COL13A1: variants seen among roughly 807,000 people sequenced by gnomAD.
COL13A1 encodes the protein collagen type XIII alpha 1 chain.
In COL13A1, 89 loss-of-function variants were observed where a neutral mutation model predicts 130.9. The observed-to-expected ratio is 0.68, with a 90% CI of 0.57 to 0.81. The LOEUF (loss-of-function observed/expected upper bound fraction) is 0.81, where lower values mean the gene tolerates loss of function less well. Ranked by LOEUF, COL13A1 falls within the 30% of genes least tolerant of loss-of-function variation. COL13A1 has a pLI of 0.00. For missense variants in COL13A1, 879 were observed against 934.6 expected, an observed-to-expected ratio of 0.94 and a Z score of 0.78; for synonymous variants, 402 against 341.6, an observed-to-expected ratio of 1.18 and a Z score of -1.95.
At chr10:69,837,612 A>T (rs1228188283) in intron 2 of COL13A1, among the ~76,000 whole-genome samples, 1 of 152,064 alleles carries the variant, frequency 6.6e-6, no homozygotes, top group East Asian at 1.9e-4. Context: ...TTCTGCGCTT[A>T]CCCTGGTACA....
chr10:69,927,121 C>G lies in COL13A1; in HGVS notation c.1422+11C>G. 2 of 1,612,426 alleles carry G rather than the reference C, an allele frequency of 1.2e-6. No individual in the cohort carries two copies. The highest frequency in any genetic ancestry group is 1.7e-6 in the Non-Finnish European group (2 of 1,179,586). ...ACGCTGGCCTTGATGGTAAGTTTTG[C>G]TCCTCCTGGCTTTCCTTGGGCACTG... On this transcript the variant is annotated intron_variant, in intron 27 of 40. Coordinates refer to ENST00000645393, the MANE Select transcript of COL13A1 (RefSeq NM_001368882.1).
chr10:69,925,935 G>T lies in COL13A1; in HGVS notation c.1398+63G>T, dbSNP rs867775316. ...GATCTCAGGCTCTGCACCATGCCCT[G>T]ATCAGGGGGCCCTTCCACACAGCCG... On this transcript the variant is annotated intron_variant, in intron 26 of 40. Transcript: ENST00000645393. 5.8e-6 allele frequency: 8 copies of T among 1,389,288 alleles called. No individual in the cohort carries two copies. The East Asian group carries it at 2.0e-4, about 35-fold the overall frequency. The allele number at this position is 1,389,288 out of a possible 1,614,324, so 86.1% of individuals were successfully genotyped here.
intron 7 of COL13A1, among the ~76,000 whole-genome samples, 193 bp downstream of exon 7, chr10:69,880,746 A>G (rs2060052631): frequency 6.6e-6 from 1 of 152,186 alleles, no homozygotes. Context: ...CTGGCTAAAT[A>G]TACCTAAATT....
chr10:69,880,126 C>T (rs930071946), intron 6 of COL13A1, among the ~76,000 whole-genome samples: 3 of 152,060 alleles, frequency 2.0e-5, no homozygotes, highest in African/African-American at 7.2e-5. Context: ...CTGTGTCTCC[C>T]TGTTTCCCGC....
intron 6 of COL13A1, 25 bp downstream of exon 6, chr10:69,878,090 C>T (rs1463343943): frequency 1.4e-6 from 1 of 703,000 alleles, no homozygotes; most frequent in Non-Finnish European, 2.6e-6. Context: ...TCCCCTTCTG[C>T]CCTGCACCCA....
intron 2 of COL13A1, among the ~76,000 whole-genome samples, chr10:69,852,309 A>T (rs561823192): frequency 3.9e-5 from 6 of 152,160 alleles, no homozygotes; most frequent in Non-Finnish European, 8.8e-5. Context: ...GCGGCTAGAG[A>T]TAATAATAAT....
Position 69,872,224 on chromosome 10 carries a change from G to A in COL13A1, c.399+14G>A. ...CCCGGACTCCCAGTAAGTCACTTTT[G>A]TTTCTTCTTTCCTTTGCATCTCTTT... On this transcript the variant is annotated intron_variant, in intron 4 of 40. Coordinates refer to ENST00000645393, the MANE Select transcript of COL13A1 (RefSeq NM_001368882.1). 1 of 1,613,964 alleles carries A rather than the reference G, an allele frequency of 6.2e-7. No homozygotes were observed. The highest frequency in any genetic ancestry group is 8.5e-7 in the Non-Finnish European group (1 of 1,179,874).
chr10:69,831,707 G>A (rs780477009), intron 2 of COL13A1, among the ~76,000 whole-genome samples: 3 of 152,198 alleles, frequency 2.0e-5, no homozygotes, highest in Non-Finnish European at 4.4e-5. Flanking sequence ...TCCTGGGCAC[G>A]AGCTGTGCTG....
chr10:69,958,610 G>A lies in COL13A1; in HGVS notation c.2185-89G>A, dbSNP rs1307260535. 19 of 1,604,898 alleles carry A rather than the reference G, an allele frequency of 1.2e-5. No homozygotes were observed. The East Asian group carries it at 3.8e-4, about 32-fold the overall frequency. ...TGTCCAGAACTCCCATCCAACCCAG[G>A]ACAAGATTTACCTCCCTTCCTACAA... On this transcript the variant is annotated intron_variant, in intron 40 of 40. Coordinates refer to ENST00000645393, the MANE Select transcript of COL13A1 (RefSeq NM_001368882.1).
Position 69,919,304 on chromosome 10 carries a change from G to A in COL13A1, c.1026+216G>A, listed in dbSNP as rs567955952. The stretch of plus-strand genomic sequence containing the variant: ...AGGCATGCCAGCTGCAGCAGGCAGT[G>A]ACTATTGTCCCCTGCACCCACAGGG... On this transcript the variant is annotated intron_variant, in intron 20 of 40. Coordinates refer to ENST00000645393, the MANE Select transcript of COL13A1 (RefSeq NM_001368882.1). Among the ~76,000 whole-genome samples, 10 of 152,290 alleles carry A rather than the reference G, an allele frequency of 6.6e-5. No homozygotes were observed. In the East Asian group the frequency reaches 1.7e-3, roughly 27 times the overall value.
At chr10:69,899,322 T>A (rs1463958710) in intron 14 of COL13A1, among the ~76,000 whole-genome samples, 1 of 152,246 alleles carries the variant, frequency 6.6e-6, no homozygotes, top group East Asian at 1.9e-4. Context: ...CCTGGCACAG[T>A]TTAAGAGACA....
At chr10:69,945,929 C>T (rs781310781) in intron 37 of COL13A1, among the ~76,000 whole-genome samples, 2 of 151,964 alleles carry the variant, frequency 1.3e-5, no homozygotes, top group Admixed American at 6.6e-5. Flanking sequence ...AACTTAGCCA[C>T]GTGTGGTGGT....
Position 69,921,230 on chromosome 10 carries a change from C to T in COL13A1, c.1090-652C>T, listed in dbSNP as rs376639366. Among the ~76,000 whole-genome samples the T allele has an allele frequency of 6.6e-5, 10 of 152,260 alleles. No homozygotes were observed. In the East Asian group the frequency reaches 7.7e-4, roughly 12 times the overall value. ...TCTTTGGCATTCCTTGGCTTATAGA[C>T]GTATCACCCCAATCTCTGCCTCCAT... On this transcript the variant is annotated intron_variant, in intron 21 of 40. Coordinates refer to ENST00000645393, the MANE Select transcript of COL13A1 (RefSeq NM_001368882.1).
intron 17 of COL13A1, among the ~76,000 whole-genome samples, chr10:69,906,262 T>A (rs537436415): frequency 6.6e-6 from 1 of 152,238 alleles, no homozygotes; most frequent in African/African-American, 2.4e-5. Context: ...GTATCAGTTA[T>A]CTATTGCGGT....
intron 38 of COL13A1, 60 bp from the exon 39 acceptor site, chr10:69,952,822 A>T: frequency 8.5e-7 from 1 of 1,174,042 alleles, no homozygotes; most frequent in Non-Finnish European, 1.2e-6. Context: ...CTTCAACCTT[A>T]ACACATGAAT....
At chr10:69,817,324 C>T (rs1041777070) in intron 1 of COL13A1, among the ~76,000 whole-genome samples, 4 of 151,582 alleles carry the variant, frequency 2.6e-5, no homozygotes, top group Non-Finnish European at 2.9e-5. Context: ...TGCTGGCAGG[C>T]GCAGATGCAG....
intron 32 of COL13A1, 42 bp downstream of exon 32, chr10:69,935,433 C>T: frequency 1.4e-6 from 2 of 1,439,222 alleles, no homozygotes; most frequent in Non-Finnish European, 1.9e-6. Flanking sequence ...CACTAATGTC[C>T]CCTCTCCACA....
In COL13A1 at chr10:69,937,622, C is replaced by T. The variant is rs770420836; in HGVS notation, c.1798-13C>T. 7.5e-7 allele frequency: 1 copy of T among 1,326,968 alleles called. No homozygotes were observed. The highest frequency in any genetic ancestry group is 1.1e-6 in the Non-Finnish European group (1 of 918,710). The allele number at this position is 1,326,968 out of a possible 1,614,324, so 82.2% of individuals were successfully genotyped here. Reference sequence around the variant, plus strand: ...GTCCTTGTGTGATCTCGTCCCCTCTCCCTTTCCTCCAGGGGGAAGCAGGAC... The same window carrying T: ...GTCCTTGTGTGATCTCGTCCCCTCTTCCTTTCCTCCAGGGGGAAGCAGGAC... On this transcript the variant is annotated splice_polypyrimidine_tract_variant and intron_variant, in intron 33 of 40. Coordinates refer to ENST00000645393, the MANE Select transcript of COL13A1 (RefSeq NM_001368882.1).
chr10:69,926,197 G>A (rs1342039963), intron 26 of COL13A1, among the ~76,000 whole-genome samples: 3 of 152,202 alleles, frequency 2.0e-5, no homozygotes, highest in Non-Finnish European at 4.4e-5. Context: ...CAGGGTGCTG[G>A]GGCCCCATTT....
Sources: allele counts gnomAD v4.1 joint callset (sites outside exome capture counted in the v4.1 genomes callset), GRCh38; gene constraint gnomAD v4.1.1; transcripts MANE v1.5; gene names NCBI Gene and HGNC (gene_info 2026-07-23, HGNC 2026-07-21).